The following POLK variants were observed in gnomAD, a reference collection of about 807,000 sequenced individuals.
The protein encoded by POLK is DNA polymerase kappa, also known as polymerase (DNA directed) kappa.
A neutral mutation model predicts 94.0 loss-of-function variants in POLK; 76 were observed. That is an observed-to-expected ratio of 0.81 (90% confidence interval 0.67 to 0.98). The LOEUF is 0.98. POLK is among the 50% of genes least tolerant of loss of function. POLK has a pLI of 0.00. For synonymous variants in POLK, 349 were observed against 325.4 expected (o/e 1.07, Z -0.78); for missense variants, 954 against 1,010.1 (o/e 0.94, Z 0.75).
At chr5:75,584,867 A>G in exon 9 of POLK, 1 of 1,607,948 alleles carries the variant, frequency 6.2e-7, no homozygotes, top group Non-Finnish European at 8.5e-7. Flanking sequence ...TTTTCTCTGA[A>G]ACATCTTGGC....
upstream of POLK, chr5:75,511,618 G>T (rs1005347495): frequency 6.8e-7 from 1 of 1,475,260 alleles, no homozygotes; most frequent in Non-Finnish European, 9.0e-7. Flanking sequence ...CTTCCTGCCT[G>T]GCCCACTATT....
exon 13 of POLK, chr5:75,596,811 T>C: frequency 1.2e-6 from 2 of 1,610,510 alleles, no homozygotes; most frequent in South Asian, 1.1e-5. Flanking sequence ...TAGTAGATAC[T>C]ATAGATAACT....
intron 1 of POLK, among the ~76,000 whole-genome samples, chr5:75,542,532 T>G (rs1769788963): frequency 6.6e-6 from 1 of 151,900 alleles, no homozygotes; most frequent in Admixed American, 6.6e-5. Flanking sequence ...ATTCTAAGTT[T>G]CCATCTTTAT....
At chr5:75,554,400 T>C (rs1302636855) in intron 3 of POLK, among the ~76,000 whole-genome samples, 2 of 152,152 alleles carry the variant, frequency 1.3e-5, no homozygotes, top group African/African-American at 4.8e-5. Context: ...CTTTTAATTT[T>C]GTAGTTTTTC....
intron 3 of POLK, among the ~76,000 whole-genome samples, chr5:75,566,375 G>A (rs903246178): frequency 1.2e-4 from 19 of 152,156 alleles, no homozygotes; most frequent in East Asian, 3.9e-4. Context: ...GGGAATGAAC[G>A]GTTCTGTCTC....
chr5:75,597,232 A>T, intron 13 of POLK, 54 bp downstream of exon 13: 2 of 888,768 alleles, frequency 2.3e-6, no homozygotes, highest in South Asian at 3.3e-5. Context: ...TGTATTATTA[A>T]AATTAATGAG....
chr5:75,608,574 C>G, the POLK span, among the ~76,000 whole-genome samples: 1 of 152,142 alleles, frequency 6.6e-6, no homozygotes, highest in East Asian at 1.9e-4. Flanking sequence ...ATAGACATTT[C>G]AGTGGTAAGT....
At chr5:75,539,651 G>A (rs751548977) in intron 1 of POLK, among the ~76,000 whole-genome samples, 3 of 151,842 alleles carry the variant, frequency 2.0e-5, no homozygotes, top group South Asian at 2.1e-4. Context: ...AGAGACAGGC[G>A]TCTTACTCTC....
At chr5:75,592,315 A>G (rs781528578) in intron 11 of POLK, among the ~76,000 whole-genome samples, 5 of 152,216 alleles carry the variant, frequency 3.3e-5, no homozygotes, top group Non-Finnish European at 7.3e-5. Context: ...TTTTAGAAAG[A>G]TTTTTTTCCT....
intron 1 of POLK, among the ~76,000 whole-genome samples, chr5:75,525,199 A>G (rs912951331): frequency 2.6e-5 from 4 of 152,270 alleles, no homozygotes; most frequent in Admixed American, 2.6e-4. Context: ...GGTAACCCCA[A>G]GATGATCCAG....
intron 1 of POLK, among the ~76,000 whole-genome samples, chr5:75,514,520 A>AT (rs1768231067): frequency 6.6e-6 from 1 of 152,222 alleles, no homozygotes; most frequent in Non-Finnish European, 1.5e-5. Context: ...TTTTAGGTTC[A>AT]TTTGATTTAT....
intron 2 of POLK, among the ~76,000 whole-genome samples, chr5:75,547,929 A>G (rs912068368): frequency 5.3e-5 from 8 of 152,110 alleles, no homozygotes; most frequent in African/African-American, 1.9e-4. Context: ...TTAGTTTCAT[A>G]TCTTTTCTTT....
intron 11 of POLK, among the ~76,000 whole-genome samples, chr5:75,591,067 T>C (rs533055299): frequency 3.3e-5 from 5 of 152,308 alleles, no homozygotes; most frequent in East Asian, 3.9e-4. Context: ...TCTGGTTTGA[T>C]AGAAGAAATA....
chr5:75,573,551 T>C (rs1771711311), intron 4 of POLK, among the ~76,000 whole-genome samples, 187 bp from the exon 5 acceptor site: 1 of 152,128 alleles, frequency 6.6e-6, no homozygotes, highest in Non-Finnish European at 1.5e-5. Context: ...CTTGAGTCAT[T>C]AATAAAAAAC....
At chr5:75,577,719 C>A (rs923434161) in intron 6 of POLK, among the ~76,000 whole-genome samples, 2 of 152,128 alleles carry the variant, frequency 1.3e-5, no homozygotes, top group African/African-American at 4.8e-5. Context: ...TTGTAACTTT[C>A]CCTGAAGCAA....
intron 4 of POLK, 34 bp from the exon 5 acceptor site, chr5:75,573,704 T>C: frequency 1.9e-6 from 3 of 1,577,244 alleles, no homozygotes; most frequent in Non-Finnish European, 2.6e-6. Context: ...TTTAGGTTTG[T>C]GTATTTTTTT....
At chr5:75,602,701 C>T (rs1773321559), downstream of POLK, among the ~76,000 whole-genome samples, 1 of 152,120 alleles carries the variant, frequency 6.6e-6, no homozygotes, top group African/African-American at 2.4e-5. Flanking sequence ...TATAAAACAA[C>T]AAATGACATA....
chr5:75,566,719 G>T lies in POLK; in HGVS notation c.256-2621G>T, dbSNP rs372584262. Among the ~76,000 whole-genome samples the T allele has an allele frequency of 3.3e-5, 5 of 152,284 alleles. No individual in the cohort carries two copies. In the East Asian group the frequency reaches 9.7e-4, roughly 29 times the overall value. On this transcript the variant is annotated intron_variant, in intron 3 of 14. Transcript: ENST00000241436. ...TGCACCCACTTTCTAATCAGTCCCAGTGAGGTGAGCCGGGTACCTCAGTTG... is the reference window on the plus strand; with the variant it reads ...TGCACCCACTTTCTAATCAGTCCCATTGAGGTGAGCCGGGTACCTCAGTTG...
At chr5:75,526,038 T>TCTG (rs1433048165) in intron 1 of POLK, among the ~76,000 whole-genome samples, 2 of 152,212 alleles carry the variant, frequency 1.3e-5, no homozygotes, top group Non-Finnish European at 2.9e-5. Flanking sequence ...GCACTTAGTA[T>TCTG]CTGCTTGGCA....
Sources: allele counts gnomAD v4.1 joint callset (sites outside exome capture counted in the v4.1 genomes callset), GRCh38; gene constraint gnomAD v4.1.1; transcripts MANE v1.5; gene names NCBI Gene and HGNC (gene_info 2026-07-23, HGNC 2026-07-21).